FAM227B: variants seen among roughly 807,000 people sequenced by gnomAD.
FAM227B encodes protein FAM227B.
A neutral mutation model predicts 73.8 loss-of-function variants in FAM227B; 88 were observed. The observed-to-expected ratio is 1.19, with a 90% confidence interval of 1.00 to 1.42. The LOEUF (loss-of-function observed/expected upper bound fraction) is 1.42. Among genes scored for constraint, FAM227B ranks in the 40% most tolerant of loss-of-function variants. The pLI is 0.00. For synonymous variants in FAM227B, 210 were observed against 190.5 expected (o/e 1.10, Z -0.84); for missense variants, 632 against 590.9 (o/e 1.07, Z -0.72).
intron 13 of FAM227B, chr15:49,366,572 G>A: frequency 4.4e-6 from 7 of 1,597,802 alleles, no homozygotes; most frequent in Non-Finnish European, 6.0e-6. Context: ...GTAGTCCTTG[G>A]ATGTGCCATT....
chr15:49,445,673 AAAAAT>A (rs886856145), intron 11 of FAM227B, among the ~76,000 whole-genome samples: 5 of 151,650 alleles, frequency 3.3e-5, no homozygotes, highest in Non-Finnish European at 5.9e-5. Context: ...ATTGAAAGAA[AAAAAT>A]AAAATATAGA....
At chr15:49,355,506 T>C (rs1596460509) in intron 13 of FAM227B, among the ~76,000 whole-genome samples, 1 of 151,810 alleles carries the variant, frequency 6.6e-6, no homozygotes, top group East Asian at 1.9e-4. Context: ...GAAGATGAAA[T>C]GAATGAAATG....
At chr15:49,609,832 A>T (rs1053869593) in intron 3 of FAM227B, among the ~76,000 whole-genome samples, 18 of 152,040 alleles carry the variant, frequency 1.2e-4, no homozygotes, top group Non-Finnish European at 1.5e-5. Context: ...TGGGAAATTC[A>T]GAAAATATGA....
intron 9 of FAM227B, among the ~76,000 whole-genome samples, chr15:49,555,450 T>C (rs1250987010): frequency 4.6e-5 from 7 of 152,254 alleles, no homozygotes. Flanking sequence ...CCTTTGTAGG[T>C]GACTGCCTCT....
At chr15:49,570,679 G>A (rs2075030126) in intron 8 of FAM227B, among the ~76,000 whole-genome samples, 1 of 151,174 alleles carries the variant, frequency 6.6e-6, no homozygotes, top group Non-Finnish European at 1.5e-5. Flanking sequence ...CTATGAGATT[G>A]ACTTTTTTAA....
At chr15:49,388,773 TCAAA>T (rs1427319745) in intron 11 of FAM227B, among the ~76,000 whole-genome samples, 2 of 151,772 alleles carry the variant, frequency 1.3e-5, no homozygotes, top group African/African-American at 2.4e-5. Context: ...TACAAGGAAC[TCAAA>T]CAAATTACCA....
At chr15:49,544,009 T>A (rs2071462305) in intron 9 of FAM227B, among the ~76,000 whole-genome samples, 1 of 152,118 alleles carries the variant, frequency 6.6e-6, no homozygotes, top group African/African-American at 2.4e-5. Flanking sequence ...AATTTTAGAA[T>A]TTTTTCTAGT....
At chr15:49,412,500 T>TA (rs200537688) in intron 11 of FAM227B, among the ~76,000 whole-genome samples, 1 of 152,010 alleles carries the variant, frequency 6.6e-6, no homozygotes, top group Non-Finnish European at 1.5e-5. Flanking sequence ...CTGTTATTCT[T>TA]AAAATTTTTT....
chr15:49,524,264 C>T (rs998670599), intron 10 of FAM227B, among the ~76,000 whole-genome samples: 3 of 152,152 alleles, frequency 2.0e-5, no homozygotes, highest in Non-Finnish European at 2.9e-5. Context: ...CTGCTCTGTG[C>T]AGCCTAGGGA....
At chr15:49,427,381 T>G (rs1237822746) in intron 11 of FAM227B, among the ~76,000 whole-genome samples, 1 of 152,032 alleles carries the variant, frequency 6.6e-6, no homozygotes, top group Non-Finnish European at 1.5e-5. Context: ...GTAATTGGAT[T>G]GTCTACTAGA....
intron 15 of FAM227B, chr15:49,329,239 G>A: frequency 1.0e-6 from 1 of 985,594 alleles, no homozygotes; most frequent in Non-Finnish European, 1.2e-6. Flanking sequence ...ATCTCTGTAT[G>A]TATATCAAGA....
intron 11 of FAM227B, among the ~76,000 whole-genome samples, chr15:49,507,081 A>G (rs2058638059): frequency 6.6e-6 from 1 of 151,560 alleles, no homozygotes; most frequent in African/African-American, 2.4e-5. Flanking sequence ...CCCTAGAAAT[A>G]GCCCCCCACC....
intron 13 of FAM227B, among the ~76,000 whole-genome samples, chr15:49,346,007 T>A (rs998822542): frequency 6.6e-6 from 1 of 151,820 alleles, no homozygotes. Flanking sequence ...GTTAATTTGA[T>A]CAGGTCTGCC....
intron 11 of FAM227B, among the ~76,000 whole-genome samples, chr15:49,453,453 G>T (rs2052968988): frequency 6.6e-6 from 1 of 151,966 alleles, no homozygotes; most frequent in Admixed American, 6.6e-5. Flanking sequence ...TTTTGTACAG[G>T]TCCTTCAAAA....
chr15:49,489,857 A>T lies in FAM227B; in HGVS notation c.1012+18354T>A, dbSNP rs12907978. Reference sequence around the variant, plus strand: ...ATATATATTTTATATATATATATATATTTTATATATATATATATATATATA... The same window carrying T: ...ATATATATTTTATATATATATATATTTTTTATATATATATATATATATATA... On this transcript the variant is annotated intron_variant, in intron 11 of 15. Coordinates refer to ENST00000299338, the MANE Select transcript of FAM227B (RefSeq NM_152647.3). Among the ~76,000 whole-genome samples, 20 of 14,674 alleles carry T rather than the reference A, an allele frequency of 1.4e-3. 1 individual carries two copies. Among genetic ancestry groups the T allele is most frequent in the South Asian group, 9.7e-3 (3 of 310 alleles). The allele number at this position is 14,674 out of a possible 152,430, so 9.6% of individuals were successfully genotyped here. A position where few individuals can be genotyped will look rare whatever the true frequency, so the allele number is the denominator to read the frequency against.
chr15:49,394,568 G>A (rs1181872926), intron 11 of FAM227B, among the ~76,000 whole-genome samples: 6 of 152,108 alleles, frequency 3.9e-5, no homozygotes, highest in African/African-American at 9.7e-5. Context: ...GAGACTATTC[G>A]GCATGGTTGT....
At chr15:49,509,147 G>T (rs139916645) in intron 10 of FAM227B, among the ~76,000 whole-genome samples, 1 of 152,248 alleles carries the variant, frequency 6.6e-6, no homozygotes, top group African/African-American at 2.4e-5. Flanking sequence ...CCTAGTCCTG[G>T]GATGATTTGG....
At chr15:49,407,241 T>C (rs1393322250) in intron 11 of FAM227B, among the ~76,000 whole-genome samples, 4 of 152,136 alleles carry the variant, frequency 2.6e-5, no homozygotes, top group Non-Finnish European at 5.9e-5. Flanking sequence ...GTGTCTGTGG[T>C]GGTTTAGGAG....
chr15:49,343,690 A>C lies in FAM227B; in HGVS notation c.1272-8194T>G, dbSNP rs567309004. 5.9e-5 allele frequency: 9 copies of C among 152,334 alleles called. No homozygotes were observed. The East Asian group carries it at 1.7e-3, about 29-fold the overall frequency. The allele number at this position is 152,334 out of a possible 1,614,324, so 9.4% of individuals were successfully genotyped here. On this transcript the variant is annotated intron_variant, in intron 13 of 15. Transcript: ENST00000299338. ...TGTAATAGTGATGTAGGTTGTATTCAAACAGTAACTAACTGAATGGCCAAT... is the reference window on the plus strand; with the variant it reads ...TGTAATAGTGATGTAGGTTGTATTCCAACAGTAACTAACTGAATGGCCAAT...
Sources: allele counts gnomAD v4.1 joint callset (sites outside exome capture counted in the v4.1 genomes callset), GRCh38; gene constraint gnomAD v4.1.1; transcripts MANE v1.5; gene names NCBI Gene and HGNC (gene_info 2026-07-23, HGNC 2026-07-21).